TULP4: variants seen among roughly 807,000 people sequenced by gnomAD.
The protein encoded by TULP4 is tubby-related protein 4.
In TULP4, 16 loss-of-function variants were observed where a neutral mutation model predicts 129.0. That is an observed-to-expected ratio of 0.12 (90% confidence interval 0.08 to 0.19). TULP4 has a LOEUF of 0.19. Among genes scored for constraint, TULP4 ranks in the 10% least tolerant of loss-of-function variants. TULP4 has a pLI of 1.00. For synonymous variants in TULP4, 998 were observed against 854.0 expected (o/e 1.17, Z -2.94); for missense variants, 1,842 against 2,059.1 (o/e 0.89, Z 2.04).
rs762384274 is a variant in TULP4, at chr6:158,337,987, T to C, written c.252+23719T>C. Among the ~76,000 whole-genome samples the C allele has an allele frequency of 2.6e-5, 4 of 152,334 alleles. No homozygotes were observed. The Middle Eastern group carries it at 0.01, about 389-fold the overall frequency. ...GGTAAAGTCACACTTTCACCCAACC[T>C]GTCTCCACCCAACAGTGAATTCTCA... On this transcript the variant is annotated intron_variant, in intron 1 of 13. Coordinates refer to ENST00000367097, the MANE Select transcript of TULP4 (RefSeq NM_020245.5).
chr6:158,232,529 C>G (rs1222904104), intron 1 of TULP4, among the ~76,000 whole-genome samples: 1 of 151,414 alleles, frequency 6.6e-6, no homozygotes, highest in Non-Finnish European at 1.5e-5. Context: ...CGGCCGTGGC[C>G]GCTGCTTGGC....
rs753277072 is a variant in TULP4, at chr6:158,438,596, TTTGTTTGA to T, written c.543+8700_543+8707del. Among the ~76,000 whole-genome samples, 615 of 146,226 alleles carry T rather than the reference TTTGTTTGA, an allele frequency of 4.2e-3. 4 individuals are homozygous for T. The highest frequency in any genetic ancestry group is 0.011 in the Middle Eastern group (3 of 278). Reference sequence around the variant, plus strand: ...GTTTGTTTGTTTGTTTGTTTGTTTGTTTGTTTGAGACAGAGTCTCGCTCTGTTGCCCAG... The same window carrying T: ...GTTTGTTTGTTTGTTTGTTTGTTTGTGACAGAGTCTCGCTCTGTTGCCCAG... On this transcript the variant is annotated intron_variant, in intron 3 of 13. Coordinates refer to ENST00000367097, the MANE Select transcript of TULP4 (RefSeq NM_020245.5).
chr6:158,272,950 T>A (rs540388066), intron 1 of TULP4, among the ~76,000 whole-genome samples: 1 of 152,310 alleles, frequency 6.6e-6, no homozygotes, highest in South Asian at 2.1e-4. Flanking sequence ...TGCATAGAGA[T>A]CTCATGACCT....
intron 1 of TULP4, among the ~76,000 whole-genome samples, chr6:158,294,303 C>T (rs1778992704): frequency 6.7e-6 from 1 of 150,062 alleles, no homozygotes; most frequent in African/African-American, 2.5e-5. Flanking sequence ...GCAGAGATTG[C>T]AATGAGCCGA....
intron 1 of TULP4, among the ~76,000 whole-genome samples, chr6:158,356,966 G>T (rs1035153100): frequency 2.0e-5 from 3 of 152,090 alleles, no homozygotes; most frequent in Non-Finnish European, 2.9e-5. Context: ...GCAACATGGG[G>T]GTAGGCACTT....
chr6:158,359,319 A>G (rs139047066), intron 1 of TULP4, among the ~76,000 whole-genome samples: 344 of 152,278 alleles, frequency 2.3e-3, no homozygotes, highest in Admixed American at 4.4e-3. Context: ...AACTAATGTC[A>G]TCTTGTATTA....
chr6:158,242,847 C>G (rs891796182), intron 1 of TULP4: 1 of 218,064 alleles, frequency 4.6e-6, no homozygotes, highest in Non-Finnish European at 9.1e-6. Context: ...TGCAGTGGCG[C>G]AATCTTGGCT....
intron 1 of TULP4, among the ~76,000 whole-genome samples, chr6:158,395,758 C>T (rs1343967790): frequency 1.3e-5 from 2 of 151,126 alleles, no homozygotes; most frequent in Admixed American, 6.6e-5. Context: ...GTGGAAACAA[C>T]GAGTGTCTAC....
chr6:158,395,802 CTGTT>C (rs1407681359), intron 1 of TULP4, among the ~76,000 whole-genome samples: 1 of 150,808 alleles, frequency 6.6e-6, no homozygotes, highest in Non-Finnish European at 1.5e-5. Context: ...CTAGTTGAGC[CTGTT>C]TTTCTTTGAT....
At chr6:158,408,461 G>T (rs1182729207) in intron 1 of TULP4, among the ~76,000 whole-genome samples, 1 of 152,172 alleles carries the variant, frequency 6.6e-6, no homozygotes, top group African/African-American at 2.4e-5. Context: ...TTTTGAGTTT[G>T]TGAATTAATA....
At position 158,493,906 on chromosome 6, in the gene TULP4, C is replaced by T. The variant is rs1374629746; in HGVS notation, c.1776+189C>T. On this transcript the variant is annotated intron_variant, in intron 10 of 13. Coordinates refer to ENST00000367097, the MANE Select transcript of TULP4 (RefSeq NM_020245.5). The surrounding 1 kb of genome is among the most constrained non-coding windows in gnomAD (Gnocchi z 4.4). ...GAGCTCTGGCTTCTCCACCTGTGCC[C>T]CTCAGCCAGTTCTGATCTTGCAGTG... 6.6e-6 allele frequency among the ~76,000 whole-genome samples: 1 copy of T among 152,146 alleles called. No individual in the cohort carries two copies. The highest frequency in any genetic ancestry group is 2.4e-5 in the African/African-American group (1 of 41,432).
intron 7 of TULP4, 85 bp downstream of exon 7, chr6:158,480,060 C>T (rs1779904865): frequency 1.8e-6 from 2 of 1,103,586 alleles, no homozygotes; most frequent in Non-Finnish European, 2.6e-6. Context: ...GTGAGGGTAC[C>T]AGAGTGAGCA....
At position 158,504,130 on chromosome 6, in the gene TULP4, G is replaced by A. The variant is rs1002998809; in HGVS notation, c.4467G>A (p.Val1489=). The A allele has an allele frequency of 1.2e-6, 2 of 1,607,572 alleles. No homozygotes were observed. The highest frequency in any genetic ancestry group is 1.3e-5 in the African/African-American group (1 of 74,894). The change falls in exon 13 of 14, where the codon GTG becomes GTA. Residue 1489 remains valine, a synonymous_variant. Transcript: ENST00000367097. ...ACCAGCTGGACTTCGGGGGGCGGGTGACCCAGGAGTCCGCCAAGAACTTCC... is the reference window on the plus strand; with the variant it reads ...ACCAGCTGGACTTCGGGGGGCGGGTAACCCAGGAGTCCGCCAAGAACTTCC... ...QVYQLDFGGR[V]TQESAKNFQI...
At chr6:158,309,971 A>G (rs976682188), upstream of TULP4, among the ~76,000 whole-genome samples, 13 of 149,208 alleles carry the variant, frequency 8.7e-5, no homozygotes, top group African/African-American at 2.5e-4. Context: ...TCAACAACAA[A>G]TTCTGTTAGT....
chr6:158,498,327 T>TA (rs1486688558), intron 11 of TULP4, among the ~76,000 whole-genome samples: 2 of 152,228 alleles, frequency 1.3e-5, no homozygotes, highest in Non-Finnish European at 1.5e-5. Context: ...ATGAGGTTTT[T>TA]AAAAAATATG....
At chr6:158,429,582 A>G (rs1028323698) in intron 2 of TULP4, among the ~76,000 whole-genome samples, 154 bp from the exon 3 acceptor site, 8 of 152,248 alleles carry the variant, frequency 5.3e-5, no homozygotes, top group African/African-American at 1.7e-4. Context: ...GGCTGGCCTC[A>G]GTAACGTTTT....
Position 158,241,871 on chromosome 6 carries a change from G to A in TULP4, n.68+9568G>A, listed in dbSNP as rs374000470. Reference sequence around the variant, plus strand: ...GCCTCCCAAAGTGCTGGGATTACAGGCATGAGCCACCGCGCCAGGCCAGCT... The same window carrying A: ...GCCTCCCAAAGTGCTGGGATTACAGACATGAGCCACCGCGCCAGGCCAGCT... On this transcript the variant is annotated intron_variant and non_coding_transcript_variant, in intron 1 of 1. Coordinates refer to the TULP4 transcript ENST00000620026. 220 of 690,624 alleles carry A rather than the reference G, an allele frequency of 3.2e-4. No individual in the cohort carries two copies. In the African/African-American group the frequency reaches 3.6e-3, roughly 11 times the overall value. 42.8% of individuals were successfully genotyped at this position (690,624 alleles called of 1,614,324 possible).
chr6:158,298,997 G>A (rs891702222), intron 1 of TULP4, among the ~76,000 whole-genome samples: 2 of 152,174 alleles, frequency 1.3e-5, no homozygotes, highest in African/African-American at 2.4e-5. Flanking sequence ...TCAGAATCAC[G>A]GATGCAAGGG....
rs371436719 is a variant in TULP4, at chr6:158,437,455, G to C, written c.543+7558G>C. On this transcript the variant is annotated intron_variant, in intron 3 of 13. Transcript: ENST00000367097. ...ACATTCCAGTGGTCCCAGCTACTCA[G>C]GAGGCTGAGGTGGGAGGATTGCTTG... Among the ~76,000 whole-genome samples, 38 of 152,280 alleles carry C rather than the reference G, an allele frequency of 2.5e-4. 1 individual carries two copies. In the East Asian group the frequency reaches 7.0e-3, roughly 28 times the overall value.
Sources: gnomAD v4.1 joint callset for allele counts (sites outside exome capture counted in the v4.1 genomes callset) on GRCh38, gnomAD v4.1.1 for gene constraint, Gnocchi (gnomAD v3.1) non-coding constraint, MANE v1.5 for transcripts, NCBI Gene and HGNC (gene_info 2026-07-23, HGNC 2026-07-21) for gene names.